Variants in ARHGAP26 observed in about 807,000 individuals in gnomAD.
ARHGAP26 encodes the protein Rho GTPase activating protein 26.
Under a neutral mutation model 104.8 loss-of-function variants are expected in ARHGAP26, and 38 were observed. The observed-to-expected ratio is 0.36, with a 90% CI of 0.28 to 0.48. ARHGAP26 has a LOEUF of 0.48. ARHGAP26 is among the 20% of genes least tolerant of loss of function. The probability of loss-of-function intolerance (pLI) is 0.99; values close to 1 mark genes in which losing one functional copy is unlikely to be tolerated. For missense variants in ARHGAP26, 704 were observed against 947.9 expected (o/e 0.74, Z 3.38); for synonymous variants, 341 against 340.0 (o/e 1.00, Z -0.03).
intron 17 of ARHGAP26, among the ~76,000 whole-genome samples, chr5:143,077,334 A>G (rs1183825514): frequency 6.6e-6 from 1 of 152,212 alleles, no homozygotes; most frequent in African/African-American, 2.4e-5. Flanking sequence ...ATCAGGGAAG[A>G]AAAAGAACCC....
At chr5:143,114,391 G>T (rs1245651813) in intron 17 of ARHGAP26, among the ~76,000 whole-genome samples, 5 of 152,128 alleles carry the variant, frequency 3.3e-5, no homozygotes, top group African/African-American at 1.2e-4. Flanking sequence ...AGTCTGACTT[G>T]GTAGAAAACA....
At chr5:142,930,051 A>C (rs1764488045) in intron 10 of ARHGAP26, among the ~76,000 whole-genome samples, 2 of 152,142 alleles carry the variant, frequency 1.3e-5, no homozygotes, top group Admixed American at 6.6e-5. Flanking sequence ...GTTCAGATTG[A>C]GTAGAGTGGG....
intron 10 of ARHGAP26, among the ~76,000 whole-genome samples, chr5:142,919,761 C>T (rs1762954532): frequency 1.3e-5 from 2 of 152,110 alleles, no homozygotes; most frequent in African/African-American, 2.4e-5. Context: ...TTTTGGGAGG[C>T]CGAGGCAAGT....
chr5:142,801,847 T>C (rs1450720234), intron 1 of ARHGAP26, among the ~76,000 whole-genome samples: 1 of 152,198 alleles, frequency 6.6e-6, no homozygotes, highest in Non-Finnish European at 1.5e-5. Flanking sequence ...TTTTAAAAAA[T>C]GACTTTAAAT....
Position 143,009,801 on chromosome 5 carries a change from C to T in ARHGAP26, c.1108-4279C>T, listed in dbSNP as rs1448464842. ...ATAGAAACCCAAAGGAGATAATGTT[C>T]CCAAGTTTTAGAGTACTCAGATAGA... is the stretch of plus-strand genomic sequence containing the variant. On this transcript the variant is annotated intron_variant, in intron 11 of 22. Coordinates refer to ENST00000645722, the MANE Select transcript of ARHGAP26 (RefSeq NM_001135608.3). Among the ~76,000 whole-genome samples the T allele has an allele frequency of 2.0e-5, 3 of 152,126 alleles. No homozygotes were observed. The East Asian group carries it at 5.8e-4, about 29-fold the overall frequency.
At chr5:143,150,633 C>T (rs1267760276) in intron 20 of ARHGAP26, among the ~76,000 whole-genome samples, 2 of 152,118 alleles carry the variant, frequency 1.3e-5, no homozygotes, top group Non-Finnish European at 2.9e-5. Context: ...GGTACCACTA[C>T]CACCAAAAAA....
At chr5:143,147,581 T>C (rs772475631) in intron 20 of ARHGAP26, 200 bp downstream of exon 20, 12 of 565,738 alleles carry the variant, frequency 2.1e-5, no homozygotes, top group South Asian at 1.1e-4. Flanking sequence ...ATTCTTAACA[T>C]ACTGCTTCTT....
chr5:142,791,106 G>A (rs1759709880), intron 1 of ARHGAP26, among the ~76,000 whole-genome samples: 2 of 147,008 alleles, frequency 1.4e-5, no homozygotes, highest in Admixed American at 1.3e-4. Flanking sequence ...TTGAGACAGA[G>A]TCTCGCTCTG....
At chr5:143,057,600 C>A (rs1200308836) in intron 16 of ARHGAP26, 42 bp from the exon 17 acceptor site, 3 of 1,533,544 alleles carry the variant, frequency 2.0e-6, no homozygotes, top group Non-Finnish European at 2.7e-6. Context: ...AGTTGTTTAG[C>A]TGTGACACTG....
At chr5:143,087,489 A>G (rs1259221101) in intron 17 of ARHGAP26, among the ~76,000 whole-genome samples, 2 of 152,088 alleles carry the variant, frequency 1.3e-5, no homozygotes, top group African/African-American at 2.4e-5. Context: ...AGCCCCTAAC[A>G]TCTGGCACTG....
chr5:142,900,649 A>T (rs1196352676), intron 6 of ARHGAP26, among the ~76,000 whole-genome samples: 2 of 152,124 alleles, frequency 1.3e-5, no homozygotes, highest in African/African-American at 2.4e-5. Flanking sequence ...GTCACTTATT[A>T]TAGCTGCCTC....
chr5:143,107,236 G>T (rs975778889), intron 17 of ARHGAP26, among the ~76,000 whole-genome samples: 6 of 152,160 alleles, frequency 3.9e-5, no homozygotes, highest in Non-Finnish European at 7.3e-5. Flanking sequence ...ATAAGAGCAT[G>T]GTGGTATGAC....
chr5:142,829,418 G>A (rs1767958421), intron 1 of ARHGAP26, among the ~76,000 whole-genome samples: 1 of 152,152 alleles, frequency 6.6e-6, no homozygotes, highest in South Asian at 2.1e-4. Context: ...AGTAGATCAT[G>A]ATAAGAGTGA....
intron 12 of ARHGAP26, among the ~76,000 whole-genome samples, chr5:143,020,486 T>G (rs1403181765): frequency 6.6e-6 from 1 of 152,146 alleles, no homozygotes; most frequent in East Asian, 1.9e-4. Flanking sequence ...GCTCATGGAT[T>G]TGAGAGTGAG....
chr5:142,902,926 G>A (rs923013191), intron 7 of ARHGAP26, among the ~76,000 whole-genome samples: 2 of 152,186 alleles, frequency 1.3e-5, no homozygotes, highest in Non-Finnish European at 2.9e-5. Context: ...GACTCGCAGA[G>A]GGGGAAATAG....
In ARHGAP26 at chr5:143,001,480, A is replaced by G. The variant is rs139317256; in HGVS notation, c.1108-12600A>G. Among the ~76,000 whole-genome samples the G allele has an allele frequency of 1.6e-4, 24 of 152,360 alleles. No homozygotes were observed. In the East Asian group the frequency reaches 4.6e-3, roughly 29 times the overall value. ...AGATGGCTAGATATGTGATAAGGCA[A>G]ATATAGCAAAATATGAACAACTGTA... On this transcript the variant is annotated intron_variant, in intron 11 of 22. Coordinates refer to ENST00000645722, the MANE Select transcript of ARHGAP26 (RefSeq NM_001135608.3).
intron 12 of ARHGAP26, among the ~76,000 whole-genome samples, chr5:143,032,088 A>G (rs1218768230): frequency 6.6e-6 from 1 of 152,166 alleles, no homozygotes; most frequent in East Asian, 1.9e-4. Flanking sequence ...CGACTTTGCT[A>G]CCCTAGCATG....
intron 3 of ARHGAP26, among the ~76,000 whole-genome samples, chr5:142,877,564 A>G (rs1260813940): frequency 6.6e-6 from 1 of 152,224 alleles, no homozygotes; most frequent in Non-Finnish European, 1.5e-5. Context: ...CATTTGACAG[A>G]TGAGAAAACA....
intron 1 of ARHGAP26, among the ~76,000 whole-genome samples, chr5:142,832,324 G>A (rs1768621767): frequency 6.6e-6 from 1 of 152,176 alleles, no homozygotes; most frequent in African/African-American, 2.4e-5. Context: ...ATATGGGTGA[G>A]GCCCTGATAT....
Sources: allele counts gnomAD v4.1 joint callset (sites outside exome capture counted in the v4.1 genomes callset), GRCh38; gene constraint gnomAD v4.1.1; transcripts MANE v1.5; gene names NCBI Gene and HGNC (gene_info 2026-07-23, HGNC 2026-07-21).